RMC1: variants seen among roughly 807,000 people sequenced by gnomAD.
RMC1 encodes regulator of MON1-CCZ1, also known as regulator of MON1-CCZ1 complex.
Under a neutral mutation model 95.5 loss-of-function variants are expected in RMC1, and 44 were observed. That is an observed-to-expected ratio of 0.46 (90% CI 0.36 to 0.59). RMC1 has a LOEUF of 0.59. Ranked by LOEUF, RMC1 falls within the 20% of genes least tolerant of loss-of-function variation. RMC1 has a pLI of 0.00. For synonymous variants in RMC1, 320 were observed against 303.6 expected (o/e 1.05, Z -0.56); for missense variants, 705 against 819.6 (o/e 0.86, Z 1.71).
chr18:23,525,872 TGAG>T (rs775052086), intron 12 of RMC1, among the ~76,000 whole-genome samples: 2 of 152,224 alleles, frequency 1.3e-5, no homozygotes, highest in Non-Finnish European at 2.9e-5. Flanking sequence ...TAAGAACTCT[TGAG>T]GAGAGAATTA....
In RMC1 at chr18:23,524,111, A is replaced by T; in HGVS notation, c.962-19A>T. The T allele has an allele frequency of 6.2e-7, 1 of 1,614,074 alleles. No individual in the cohort carries two copies. The highest frequency in any genetic ancestry group is 8.5e-7 in the Non-Finnish European group (1 of 1,179,966). ...ATTTTCTGACTGCATCGTTGCACTTATGTTTTCTCAATTTGTAGGTCCTGC... is the reference window on the plus strand; with the variant it reads ...ATTTTCTGACTGCATCGTTGCACTTTTGTTTTCTCAATTTGTAGGTCCTGC... On this transcript the variant is annotated intron_variant, in intron 10 of 19. Coordinates refer to ENST00000269221, the MANE Select transcript of RMC1 (RefSeq NM_013326.5).
At position 23,524,501 on chromosome 18, in the gene RMC1, T is replaced by C. The variant is rs569720427; in HGVS notation, c.1060+19T>C. 1.9e-6 allele frequency: 3 copies of C among 1,613,056 alleles called. No individual in the cohort carries two copies. The highest frequency in any genetic ancestry group is 1.7e-5 in the Admixed American group (1 of 60,024). On this transcript the variant is annotated intron_variant, in intron 12 of 19. Coordinates refer to ENST00000269221, the MANE Select transcript of RMC1 (RefSeq NM_013326.5). The stretch of plus-strand genomic sequence containing the variant: ...AGCCAAGGTAGGTCAGCGGGGACAG[T>C]TGTCGTGTTACAACATGGTGCTTGT...
chr18:23,523,363 G>C (rs1471284834), intron 10 of RMC1, among the ~76,000 whole-genome samples: 1 of 151,918 alleles, frequency 6.6e-6, no homozygotes, highest in Non-Finnish European at 1.5e-5. Flanking sequence ...CTTCCCAGAC[G>C]AGCTCACTGT....
intron 13 of RMC1, among the ~76,000 whole-genome samples, chr18:23,527,405 AAATAAT>A (rs369275891): frequency 9.9e-5 from 15 of 151,646 alleles, no homozygotes; most frequent in South Asian, 4.2e-4. Context: ...ATCCAAAAAA[AAATAAT>A]AATAATAATC....
At chr18:23,513,715 T>A (rs1156288494) in intron 5 of RMC1, among the ~76,000 whole-genome samples, 1 of 152,232 alleles carries the variant, frequency 6.6e-6, no homozygotes, top group African/African-American at 2.4e-5. Context: ...CTGTTTTGTT[T>A]TGTTTTGTTT....
At chr18:23,522,952 CCTTTTT>C (rs1386162300) in intron 10 of RMC1, 4 of 152,250 alleles carry the variant, frequency 2.6e-5, no homozygotes, top group South Asian at 2.1e-4. Context: ...AGTCAGCCAC[CCTTTTT>C]CTTTTTGTTT....
rs571698644 is a variant in RMC1 at position 23,529,804 on chromosome 18, A to T, written c.1494+92A>T. The T allele has an allele frequency of 7.9e-5, 102 of 1,297,940 alleles. 1 individual carries two copies. In the South Asian group the frequency reaches 1.1e-3, roughly 15 times the overall value. 80.4% of individuals were successfully genotyped at this position (1,297,940 alleles called of 1,614,324 possible). A position where few individuals can be genotyped will look rare whatever the true frequency, so the allele number is the denominator to read the frequency against. ...CTTAGAAGATGACTCATATGCTAAG[A>T]CAGGTCTGCCTCCCTGACTCAGAAT... is the stretch of plus-strand genomic sequence containing the variant. On this transcript the variant is annotated intron_variant, in intron 16 of 19. Coordinates refer to ENST00000269221, the MANE Select transcript of RMC1 (RefSeq NM_013326.5).
chr18:23,511,110 ATG>A (rs1186721926), intron 5 of RMC1, among the ~76,000 whole-genome samples: 1 of 152,262 alleles, frequency 6.6e-6, no homozygotes, highest in African/African-American at 2.4e-5. Flanking sequence ...GATAAAGAAA[ATG>A]TGGTACATAT....
chr18:23,512,599 CT>C lies in RMC1; in HGVS notation c.409-3244del, dbSNP rs761104196. On this transcript the variant is annotated intron_variant, in intron 5 of 19. Coordinates refer to ENST00000269221, the MANE Select transcript of RMC1 (RefSeq NM_013326.5). Reference sequence around the variant, plus strand: ...GCACGCCCAACTTAATTTTTTTTTCCTTTTTTTTTTTTTGTAGAGATGAGGT... The same window carrying C: ...GCACGCCCAACTTAATTTTTTTTTCCTTTTTTTTTTTTGTAGAGATGAGGT... Among the ~76,000 whole-genome samples, 434 of 141,758 alleles carry C rather than the reference CT, an allele frequency of 3.1e-3. 1 individual carries two copies. Among genetic ancestry groups the C allele is most frequent in the African/African-American group, 7.2e-3 (280 of 38,896 alleles). The allele number at this position is 141,758 out of a possible 152,430, so 93.0% of individuals were successfully genotyped here. A position where few individuals can be genotyped will look rare whatever the true frequency, so the allele number is the denominator to read the frequency against.
chr18:23,512,996 C>A (rs2057903458), intron 5 of RMC1, among the ~76,000 whole-genome samples: 2 of 151,994 alleles, frequency 1.3e-5, no homozygotes. Context: ...CTCTGTTGCC[C>A]AGGCTGGAGT....
intron 10 of RMC1, chr18:23,522,529 T>C (rs1480862018): frequency 3.3e-5 from 5 of 152,298 alleles, no homozygotes; most frequent in Admixed American, 2.0e-4. Flanking sequence ...GTGTATTTTA[T>C]GTGTGGCCCA....
intron 9 of RMC1, among the ~76,000 whole-genome samples, chr18:23,519,994 G>A (rs949722397): frequency 2.0e-5 from 3 of 152,226 alleles, no homozygotes; most frequent in Non-Finnish European, 4.4e-5. Context: ...TGTCATAAAT[G>A]CAGGAAATAC....
intron 15 of RMC1, 87 bp downstream of exon 15, chr18:23,529,385 G>A: frequency 6.7e-7 from 1 of 1,496,144 alleles, no homozygotes; most frequent in Non-Finnish European, 8.9e-7. Flanking sequence ...TGTGATTAGA[G>A]TCACTTGAAG....
At chr18:23,524,295 G>C in intron 11 of RMC1, 121 bp downstream of exon 11, 1 of 1,491,584 alleles carries the variant, frequency 6.7e-7, no homozygotes, top group Non-Finnish European at 9.3e-7. Context: ...CCCGCAGGCA[G>C]CTTCCCTGAC....
intron 2 of RMC1, chr18:23,506,621 A>G (rs1344530644): frequency 3.9e-6 from 1 of 258,206 alleles, no homozygotes; most frequent in Non-Finnish European, 7.5e-6. Context: ...GCACAAGTAG[A>G]TAGTTCTTTC....
chr18:23,529,590 T>C (rs1567935755), intron 15 of RMC1, 45 bp from the exon 16 acceptor site: 1 of 1,524,126 alleles, frequency 6.6e-7, no homozygotes, highest in Non-Finnish European at 9.1e-7. Context: ...GCAGCCTCTT[T>C]TGCACCTCGT....
Position 23,503,562 on chromosome 18 carries a change from T to TG in RMC1, c.-57_-56insG. 2.2e-6 allele frequency: 3 copies of TG among 1,345,418 alleles called. No individual in the cohort carries two copies. Among genetic ancestry groups the TG allele is most frequent in the Non-Finnish European group, 3.0e-6 (3 of 993,920 alleles). 83.3% of individuals were successfully genotyped at this position (1,345,418 alleles called of 1,614,324 possible). ...AGTCCGGGCCGGGCTCCACCGCGCA[T>TG]CCTGCTCCACTCTGGCGACCGCCCC... is the stretch of plus-strand genomic sequence containing the variant. On this transcript the variant is annotated 5_prime_UTR_variant, in exon 1 of 20. The change creates a new upstream start codon in the 5' untranslated region. Coordinates refer to ENST00000269221, the MANE Select transcript of RMC1 (RefSeq NM_013326.5).
Position 23,509,211 on chromosome 18 carries a change from C to A in RMC1, c.340C>A (p.Leu114Ile). 7.0e-7 allele frequency: 1 copy of A among 1,426,128 alleles called. No homozygotes were observed. Among genetic ancestry groups the A allele is most frequent in the Non-Finnish European group, 9.2e-7 (1 of 1,085,578 alleles). 88.3% of individuals were successfully genotyped at this position (1,426,128 alleles called of 1,614,324 possible). ...QECKTKNANILGFCWTSSTEI... is the reference protein window; with the variant it reads ...QECKTKNANIIGFCWTSSTEI... ...TTCTTAGACTAAGAATGCCAACATTCTAGGATTCTGCTGGACTAGTTCAAC... is the reference window on the plus strand; with the variant it reads ...TTCTTAGACTAAGAATGCCAACATTATAGGATTCTGCTGGACTAGTTCAAC... The change falls in exon 5 of 20, where the codon CTA becomes ATA. Residue 114 changes from leucine (L) to isoleucine (I), a missense_variant. Physicochemically the swap from Leu to Ile is conservative, Grantham distance 5. Transcript: ENST00000269221.
intron 7 of RMC1, among the ~76,000 whole-genome samples, chr18:23,517,568 G>A (rs1002294786): frequency 2.4e-4 from 36 of 152,248 alleles, no homozygotes; most frequent in African/African-American, 8.7e-4. Flanking sequence ...TATCTGATTC[G>A]ACAATAGTCA....
Sources: gnomAD v4.1 joint callset for allele counts (sites outside exome capture counted in the v4.1 genomes callset) on GRCh38, gnomAD v4.1.1 for gene constraint, MANE v1.5 for transcripts, NCBI Gene and HGNC (gene_info 2026-07-23, HGNC 2026-07-21) for gene names.